Variants in ODAD2 observed in about 807,000 individuals in gnomAD.
ODAD2 encodes outer dynein arm docking complex subunit 2, also known as outer dynein arm-docking complex subunit 2.
In ODAD2, 89 loss-of-function variants were observed where a neutral mutation model predicts 106.8. That is an observed-to-expected ratio of 0.83 (90% CI 0.70 to 0.99). The LOEUF (loss-of-function observed/expected upper bound fraction) is 0.99. Among genes scored for constraint, ODAD2 ranks in the 50% least tolerant of loss-of-function variants. ODAD2 has a pLI of 0.00. For missense variants in ODAD2, 1,168 were observed against 1,238.5 expected, an observed-to-expected ratio of 0.94 and a Z score of 0.85; for synonymous variants, 404 against 436.2, an observed-to-expected ratio of 0.93 and a Z score of 0.92.
chr10:27,879,001 A>G (rs929974844), intron 17 of ODAD2, among the ~76,000 whole-genome samples: 8 of 152,134 alleles, frequency 5.3e-5, no homozygotes, highest in Admixed American at 2.6e-4. Flanking sequence ...AAATGATACA[A>G]TCGTTATAGT....
chr10:27,988,538 A>G (rs1304682058), intron 2 of ODAD2, among the ~76,000 whole-genome samples: 1 of 151,884 alleles, frequency 6.6e-6, no homozygotes, highest in Non-Finnish European at 1.5e-5. Flanking sequence ...GGGTTACACT[A>G]TGTTGGCCAG....
At chr10:27,885,681 A>ATATATAATATATTATATATAAAAT (rs1564466019) in intron 17 of ODAD2, among the ~76,000 whole-genome samples, 1 of 13,550 alleles carries the variant, frequency 7.4e-5, no homozygotes, top group Non-Finnish European at 2.0e-4. Context: ...AAATATATAT[A>ATATATAATATATTATATATAAAAT]ATATATAATA....
intron 10 of ODAD2, among the ~76,000 whole-genome samples, chr10:27,947,856 TC>T (rs1847048107): frequency 6.6e-6 from 1 of 152,238 alleles, no homozygotes; most frequent in Non-Finnish European, 1.5e-5. Flanking sequence ...ACATTCTTAA[TC>T]GCTCGTGCTG....
chr10:27,921,416 A>T (rs1844768803), intron 16 of ODAD2, among the ~76,000 whole-genome samples: 1 of 152,126 alleles, frequency 6.6e-6, no homozygotes, highest in Non-Finnish European at 1.5e-5. Context: ...TGGAAAATTT[A>T]GAGCATTAGA....
At chr10:27,884,995 A>G (rs899045776) in intron 17 of ODAD2, among the ~76,000 whole-genome samples, 3 of 152,142 alleles carry the variant, frequency 2.0e-5, no homozygotes, top group African/African-American at 7.2e-5. Context: ...TTAAATGCCC[A>G]GTTTTCAACA....
At chr10:27,972,015 T>C (rs1222741709) in intron 7 of ODAD2, among the ~76,000 whole-genome samples, 1 of 152,120 alleles carries the variant, frequency 6.6e-6, no homozygotes, top group Non-Finnish European at 1.5e-5. Flanking sequence ...AAAATAAATA[T>C]ACAAGACTTT....
rs1265980526 is a variant in ODAD2 at position 27,975,245 on chromosome 10, C to T, written c.937-3932G>A. 4.6e-5 allele frequency among the ~76,000 whole-genome samples: 7 copies of T among 152,004 alleles called. No homozygotes were observed. The East Asian group carries it at 1.2e-3, about 25-fold the overall frequency. On this transcript the variant is annotated intron_variant, in intron 7 of 19. Coordinates refer to ENST00000305242, the MANE Select transcript of ODAD2 (RefSeq NM_018076.5). ...ACAAACATGACTAGATTAAATTAAA[C>T]GTATTGTAACATTTTTTAAAAACTG...
intron 19 of ODAD2, among the ~76,000 whole-genome samples, chr10:27,832,634 G>A (rs527582030): frequency 6.6e-6 from 1 of 152,058 alleles, no homozygotes; most frequent in Non-Finnish European, 1.5e-5. Flanking sequence ...GCTCCTTTTG[G>A]TGTTACTGGT....
At chr10:27,953,968 G>A (rs1029656610) in intron 10 of ODAD2, among the ~76,000 whole-genome samples, 4 of 152,122 alleles carry the variant, frequency 2.6e-5, no homozygotes, top group East Asian at 1.9e-4. Context: ...ACAGCCCTGC[G>A]AGAAAAATCT....
chr10:27,868,354 G>A (rs11006749), intron 17 of ODAD2, among the ~76,000 whole-genome samples: 78,257 of 151,858 alleles, frequency 0.52, 22,450 homozygotes, highest in Middle Eastern at 0.68. Flanking sequence ...AATATAAATC[G>A]TTCTATTATA....
chr10:27,952,399 T>A (rs73606015), intron 10 of ODAD2, among the ~76,000 whole-genome samples: 10,947 of 152,036 alleles, frequency 0.072, 465 homozygotes, highest in East Asian at 0.21. Context: ...ATTTTATTTT[T>A]TTTTTTTACC....
Position 27,936,724 on chromosome 10 carries a change from A to C in ODAD2, c.2252+2T>G. 1 of 1,613,916 alleles carries C rather than the reference A, an allele frequency of 6.2e-7. No individual in the cohort carries two copies. The highest frequency in any genetic ancestry group is 8.5e-7 in the Non-Finnish European group (1 of 1,179,886). On this transcript the variant is annotated splice_donor_variant, in intron 15 of 19. Transcript: ENST00000305242. LOFTEE classifies it high-confidence loss of function. ...TTCAGAATATTGAGAGCCTTCTCTT[A>C]CTTGGTAACATTCTCTTTGCTGATG...
chr10:27,924,012 A>AAGAAAGAAAGAAAGAGAGAG lies in ODAD2; in HGVS notation c.2495+10997_2495+10998insCTCTCTCTTTCTTTCTTTCT, dbSNP rs1590035500. 7.5e-4 allele frequency among the ~76,000 whole-genome samples: 85 copies of AAGAAAGAAAGAAAGAGAGAG among 113,280 alleles called. 9 individuals are homozygous for AAGAAAGAAAGAAAGAGAGAG. Among genetic ancestry groups the AAGAAAGAAAGAAAGAGAGAG allele is most frequent in the African/African-American group, 3.3e-3 (82 of 24,604 alleles). The allele number at this position is 113,280 out of a possible 152,430, so 74.3% of individuals were successfully genotyped here. A position where few individuals can be genotyped will look rare whatever the true frequency, so the allele number is the denominator to read the frequency against. ...AAAGAAAGAAAGAAAGAAAGAAAGA[A>AAGAAAGAAAGAAAGAGAGAG]AGAAAGAAAGAAGGAAAGAGAAAGA... On this transcript the variant is annotated intron_variant, in intron 16 of 19. Transcript: ENST00000305242.
At chr10:27,980,641 C>T (rs11591727) in intron 7 of ODAD2, among the ~76,000 whole-genome samples, 19,165 of 152,046 alleles carry the variant, frequency 0.13, 1,790 homozygotes, top group East Asian at 0.28. Flanking sequence ...ACACTGACTA[C>T]GATGTTTATA....
At chr10:27,948,513 T>C (rs1327626318) in intron 10 of ODAD2, among the ~76,000 whole-genome samples, 2 of 152,192 alleles carry the variant, frequency 1.3e-5, no homozygotes, top group African/African-American at 4.8e-5. Flanking sequence ...GAAGAAACCA[T>C]GCAAATACAC....
intron 15 of ODAD2, 55 bp downstream of exon 15, chr10:27,936,671 G>T: frequency 6.3e-7 from 1 of 1,585,424 alleles, no homozygotes; most frequent in Non-Finnish European, 8.7e-7. Flanking sequence ...TAAATGACAA[G>T]AAGGTGTTTC....
chr10:27,831,763 T>C (rs1837494888), intron 19 of ODAD2, among the ~76,000 whole-genome samples: 1 of 152,234 alleles, frequency 6.6e-6, no homozygotes, highest in South Asian at 2.1e-4. Flanking sequence ...CCTTTGGCCA[T>C]CATGCTCATA....
At chr10:27,969,169 G>A (rs888839044) in intron 8 of ODAD2, 151 bp from the exon 9 acceptor site, 21 of 598,970 alleles carry the variant, frequency 3.5e-5, no homozygotes, top group Non-Finnish European at 4.2e-5. Context: ...TCTGACACTC[G>A]GAGCTGTCTC....
chr10:27,871,700 G>C (rs1202401450), intron 17 of ODAD2, among the ~76,000 whole-genome samples: 1 of 152,132 alleles, frequency 6.6e-6, no homozygotes, highest in African/African-American at 2.4e-5. Flanking sequence ...GCTCTGTTCT[G>C]TTCCATTGGT....
Sources: gnomAD v4.1 joint callset for allele counts (sites outside exome capture counted in the v4.1 genomes callset) on GRCh38, gnomAD v4.1.1 for gene constraint, MANE v1.5 for transcripts, NCBI Gene and HGNC (gene_info 2026-07-23, HGNC 2026-07-21) for gene names.